Variants in APBA1 observed in about 807,000 individuals in gnomAD.
The protein encoded by APBA1 is amyloid beta precursor protein binding family A member 1, also known as amyloid-beta A4 precursor protein-binding family A member 1.
In APBA1, 55 loss-of-function variants were observed where a neutral mutation model predicts 86.6. That is an observed-to-expected ratio of 0.64 (90% CI 0.51 to 0.80). The LOEUF is 0.80. APBA1 is among the 30% of genes least tolerant of loss of function. The pLI, the probability that APBA1 is intolerant of heterozygous loss-of-function variation, is 0.00. For missense variants in APBA1, 1,090 were observed against 1,183.0 expected (o/e 0.92, Z 1.15); for synonymous variants, 511 against 493.9 (o/e 1.03, Z -0.46).
chr9:69,584,497 T>C (rs1821980724), intron 1 of APBA1, among the ~76,000 whole-genome samples: 1 of 152,174 alleles, frequency 6.6e-6, no homozygotes, highest in Non-Finnish European at 1.5e-5. Context: ...ATCCTTTACT[T>C]ATTAGCAGTA....
At chr9:69,638,817 C>A (rs544575182) in intron 1 of APBA1, among the ~76,000 whole-genome samples, 1 of 152,224 alleles carries the variant, frequency 6.6e-6, no homozygotes, top group East Asian at 1.9e-4. Flanking sequence ...ATGGAAAAAA[C>A]ATATGAGGTG....
intron 1 of APBA1, among the ~76,000 whole-genome samples, chr9:69,666,390 C>G (rs1823840556): frequency 6.6e-6 from 1 of 151,954 alleles, no homozygotes; most frequent in Non-Finnish European, 1.5e-5. Context: ...AATGTCACCC[C>G]CCACCCACCC....
chr9:69,452,926 A>G (rs1488394239), intron 8 of APBA1, among the ~76,000 whole-genome samples: 1 of 152,194 alleles, frequency 6.6e-6, no homozygotes, highest in Non-Finnish European at 1.5e-5. Flanking sequence ...GTGATTATGC[A>G]TGTGCTTGTA....
chr9:69,592,959 T>C (rs1297516255), intron 1 of APBA1, among the ~76,000 whole-genome samples: 1 of 152,246 alleles, frequency 6.6e-6, no homozygotes, highest in Admixed American at 6.5e-5. Flanking sequence ...GAATGTTATA[T>C]CATTTTACCA....
At chr9:69,490,490 A>T (rs527671505) in intron 2 of APBA1, among the ~76,000 whole-genome samples, 82 of 151,904 alleles carry the variant, frequency 5.4e-4, no homozygotes, top group East Asian at 2.7e-3. Context: ...TAAAATTTTT[A>T]AAAAAAAGCC....
At chr9:69,437,253 C>G (rs1321485108) in intron 11 of APBA1, among the ~76,000 whole-genome samples, 1 of 151,542 alleles carries the variant, frequency 6.6e-6, no homozygotes, top group East Asian at 1.9e-4. Flanking sequence ...TTGGTTGTGT[C>G]TCTGCCCGGC....
chr9:69,483,503 G>A (rs1229411989), intron 2 of APBA1, among the ~76,000 whole-genome samples: 4 of 152,024 alleles, frequency 2.6e-5, no homozygotes, highest in Admixed American at 6.6e-5. Context: ...GATAGACAAG[G>A]GGGAGCTTGG....
chr9:69,446,782 T>A (rs1834916301), intron 10 of APBA1, among the ~76,000 whole-genome samples: 1 of 152,216 alleles, frequency 6.6e-6, no homozygotes, highest in African/African-American at 2.4e-5. Context: ...TAGCATCTGC[T>A]GTCCCCCTTG....
intron 2 of APBA1, among the ~76,000 whole-genome samples, chr9:69,499,263 G>C (rs563625112): frequency 6.6e-6 from 1 of 152,088 alleles, no homozygotes; most frequent in Non-Finnish European, 1.5e-5. Flanking sequence ...AACTATCCTA[G>C]AACCACCCTT....
rs372604138 is a variant in APBA1 at position 69,584,323 on chromosome 9, A to G, written c.-69-67044T>C. Among the ~76,000 whole-genome samples the G allele has an allele frequency of 2.0e-4, 31 of 152,304 alleles. No individual in the cohort carries two copies. The East Asian group carries it at 5.2e-3, about 26-fold the overall frequency. ...GATGAAAAAGGTTAACATTTGTTCA[A>G]TGTTTTAAGTGTTTTGGCTGTATTA... On this transcript the variant is annotated intron_variant, in intron 1 of 12. Coordinates refer to ENST00000265381, the MANE Select transcript of APBA1 (RefSeq NM_001163.4).
At chr9:69,581,565 A>G (rs1821913682) in intron 1 of APBA1, among the ~76,000 whole-genome samples, 2 of 152,202 alleles carry the variant, frequency 1.3e-5, no homozygotes, top group African/African-American at 4.8e-5. Context: ...TGGTTTCAGG[A>G]TAAGAAGGCA....
intron 1 of APBA1, among the ~76,000 whole-genome samples, chr9:69,600,030 A>G (rs746883516): frequency 1.3e-5 from 2 of 152,140 alleles, no homozygotes; most frequent in Non-Finnish European, 2.9e-5. Context: ...AGCTGCCCAC[A>G]CTAACTTGCT....
chr9:69,543,197 C>A (rs1021632884), intron 1 of APBA1, among the ~76,000 whole-genome samples: 38 of 152,142 alleles, frequency 2.5e-4, no homozygotes, highest in African/African-American at 7.7e-4. Context: ...TTGGAGGGAG[C>A]CCCTGGCAGT....
intron 1 of APBA1, among the ~76,000 whole-genome samples, chr9:69,562,716 G>A (rs1385987210): frequency 6.6e-6 from 1 of 151,516 alleles, no homozygotes; most frequent in East Asian, 1.9e-4. Flanking sequence ...GTTAATTTAA[G>A]GATTAAAAAA....
At chr9:69,443,395 C>T (rs1400280869) in intron 10 of APBA1, among the ~76,000 whole-genome samples, 1 of 152,226 alleles carries the variant, frequency 6.6e-6, no homozygotes, top group Non-Finnish European at 1.5e-5. Context: ...CTAGTCACAC[C>T]TGCAGCCAGT....
Position 69,549,521 on chromosome 9 carries a change from A to C in APBA1, c.-69-32242T>G, listed in dbSNP as rs78197048. Among the ~76,000 whole-genome samples the C allele has an allele frequency of 8.5e-3, 1,299 of 152,274 alleles. 17 individuals carry two copies. Among genetic ancestry groups the C allele is most frequent in the African/African-American group, 0.03 (1,234 of 41,550 alleles). The stretch of plus-strand genomic sequence containing the variant: ...CTATGAGTCACCAACTTCACACTCT[A>C]TCAGAATCATGACATGGCCCATGAA... On this transcript the variant is annotated intron_variant, in intron 1 of 12. Transcript: ENST00000265381.
intron 1 of APBA1, among the ~76,000 whole-genome samples, chr9:69,564,348 G>A (rs920423983): frequency 6.6e-6 from 1 of 152,282 alleles, no homozygotes; most frequent in African/African-American, 2.4e-5. Flanking sequence ...AAAACAAAGA[G>A]TATGTCTTCA....
At chr9:69,561,233 A>C (rs960902743) in intron 1 of APBA1, among the ~76,000 whole-genome samples, 1 of 152,222 alleles carries the variant, frequency 6.6e-6, no homozygotes, top group Non-Finnish European at 1.5e-5. Flanking sequence ...TCTTTCATCC[A>C]GAAACTTGCT....
intron 1 of APBA1, among the ~76,000 whole-genome samples, chr9:69,607,188 A>G (rs1822493109): frequency 6.6e-6 from 1 of 152,214 alleles, no homozygotes; most frequent in Admixed American, 6.5e-5. Context: ...TATAAAGGAA[A>G]GAGGTTTAAT....
Sources: allele counts gnomAD v4.1 joint callset (sites outside exome capture counted in the v4.1 genomes callset), GRCh38; gene constraint gnomAD v4.1.1; transcripts MANE v1.5; gene names NCBI Gene and HGNC (gene_info 2026-07-23, HGNC 2026-07-21).